Variants in CXXC4 observed in about 807,000 individuals in gnomAD.
CXXC4 encodes CXXC-type zinc finger protein 4.
Under a neutral mutation model 20.5 loss-of-function variants are expected in CXXC4, and 5 were observed. The observed-to-expected ratio is 0.24, with a 90% CI of 0.13 to 0.51. CXXC4 has a LOEUF of 0.51. Among genes scored for constraint, CXXC4 ranks in the 20% least tolerant of loss-of-function variants. The pLI, the probability that CXXC4 is intolerant of heterozygous loss-of-function variation, is 0.97. For synonymous variants in CXXC4, 250 were observed against 216.4 expected (o/e 1.16, Z -1.36); for missense variants, 419 against 496.4 (o/e 0.84, Z 1.48).
intron 2 of CXXC4, among the ~76,000 whole-genome samples, chr4:104,487,539 A>G (rs1048261544): frequency 5.9e-5 from 9 of 152,224 alleles, no homozygotes; most frequent in Non-Finnish European, 1.3e-4. Context: ...ACAAAGTGTT[A>G]TCATGTAACT....
At chr4:104,488,489 C>G (rs906844038) in intron 2 of CXXC4, among the ~76,000 whole-genome samples, 1 of 152,130 alleles carries the variant, frequency 6.6e-6, no homozygotes, top group South Asian at 2.1e-4. Flanking sequence ...TTTCTTTTAG[C>G]CAAATAGTAT....
intron 2 of CXXC4, among the ~76,000 whole-genome samples, chr4:104,481,176 A>C (rs989078761): frequency 6.6e-6 from 1 of 152,150 alleles, no homozygotes; most frequent in African/African-American, 2.4e-5. Context: ...GAATTTTCTA[A>C]AATTTCAATG....
intron 2 of CXXC4, among the ~76,000 whole-genome samples, chr4:104,487,135 T>C (rs1047067570): frequency 1.3e-5 from 2 of 152,176 alleles, no homozygotes; most frequent in African/African-American, 2.4e-5. Context: ...ACCATCCTTC[T>C]TCCTGACTTT....
chr4:104,474,892 G>A lies in CXXC4; in HGVS notation c.1060-2526C>T, dbSNP rs546621200. 7.2e-5 allele frequency among the ~76,000 whole-genome samples: 11 copies of A among 151,906 alleles called. No individual in the cohort carries two copies. In the South Asian group the frequency reaches 1.7e-3, roughly 23 times the overall value. On this transcript the variant is annotated intron_variant, in intron 2 of 2. Transcript: ENST00000394767. ...CTTTTAAATCTCTTTTCCAATTCTC[G>A]CTCTTCCTGTGCCCCTTTCAGCTAC...
rs1736863936 is a variant in CXXC4, at chr4:104,491,407, C to T, written c.396G>A (p.Gly132=). 3 of 1,078,986 alleles carry T rather than the reference C, an allele frequency of 2.8e-6. No individual in the cohort carries two copies. In the African/African-American group the frequency reaches 5.2e-5, roughly 19 times the overall value. 66.8% of individuals were successfully genotyped at this position (1,078,986 alleles called of 1,614,324 possible). A position where few individuals can be genotyped will look rare whatever the true frequency, so the allele number is the denominator to read the frequency against. Residue 132 remains glycine, a synonymous_variant, in exon 2 of 3, where the codon GGG becomes GGA. Coordinates refer to ENST00000394767, the MANE Select transcript of CXXC4 (RefSeq NM_025212.4). ...CGGCGGAGGAGGATTTCCTGCCGCCCCCACCACCCCCGCCCCCGCCTCCGC... is the reference window on the plus strand; with the variant it reads ...CGGCGGAGGAGGATTTCCTGCCGCCTCCACCACCCCCGCCCCCGCCTCCGC... The part of the protein sequence containing the change: ...GGGGGGGGGG[G]GGRKSSSAAA...
Position 104,468,376 on chromosome 4 carries a change from G to A in CXXC4, c.*3946C>T, listed in dbSNP as rs1578310625. 1.4e-5 allele frequency: 2 copies of A among 140,800 alleles called. No homozygotes were observed. The highest frequency in any genetic ancestry group is 2.2e-4 in the South Asian group (1 of 4,454). The allele number at this position is 140,800 out of a possible 1,614,324, so 8.7% of individuals were successfully genotyped here. A position where few individuals can be genotyped will look rare whatever the true frequency, so the allele number is the denominator to read the frequency against. On this transcript the variant is annotated 3_prime_UTR_variant, in exon 3 of 3. Coordinates refer to ENST00000394767, the MANE Select transcript of CXXC4 (RefSeq NM_025212.4). ...CAAAAACAACTTTACTGGGCAAATT[G>A]AATGTGATTTTTTTTACTTTTTTTT...
In CXXC4 at chr4:104,491,379, C is replaced by A. The variant is rs552060137; in HGVS notation, c.424G>T (p.Ala142Ser). ...GGGRKSSSAAASSSASSSSAI... is the reference protein window; with the variant it reads ...GGGRKSSSAASSSSASSSSAI... ...GAGGAGGAGGAGGCGGAGGAGGAGG[C>A]GGCGGCGGAGGAGGATTTCCTGCCG... Residue 142 changes from alanine to serine, a missense_variant, in exon 2 of 3, where the codon GCC (alanine) becomes TCC (serine). Physicochemically the swap from Ala to Ser is moderately conservative, Grantham distance 99 (BLOSUM62 1). Coordinates refer to ENST00000394767, the MANE Select transcript of CXXC4 (RefSeq NM_025212.4). 4.4e-6 allele frequency: 6 copies of A among 1,353,392 alleles called. No individual in the cohort carries two copies. The Admixed American group carries it at 1.3e-4, about 28-fold the overall frequency. The allele number at this position is 1,353,392 out of a possible 1,614,324, so 83.8% of individuals were successfully genotyped here.
chr4:104,486,903 C>T (rs905168893), intron 2 of CXXC4, among the ~76,000 whole-genome samples: 10 of 152,094 alleles, frequency 6.6e-5, no homozygotes, highest in African/African-American at 2.2e-4. Flanking sequence ...TTACAATTGC[C>T]ATTTATGGTT....
chr4:104,492,201 A>ACCCCCCCCCCCCCCCCCCCCCCCC (rs1162003749), intron 1 of CXXC4, 142 bp from the exon 2 acceptor site: 3 of 109,496 alleles, frequency 2.7e-5, no homozygotes, highest in Admixed American at 9.0e-5. Context: ...TCAAGACGTG[A>ACCCCCCCCCCCCCCCCCCCCCCCC]CCCCCCCCAG....
chr4:104,473,655 A>G (rs1736332110), intron 2 of CXXC4, among the ~76,000 whole-genome samples: 1 of 151,974 alleles, frequency 6.6e-6, no homozygotes, highest in Admixed American at 6.6e-5. Flanking sequence ...GCCTGTATAA[A>G]TCGTAAGATG....
chr4:104,485,054 C>CA (rs1051612684), intron 2 of CXXC4, among the ~76,000 whole-genome samples: 6 of 151,924 alleles, frequency 3.9e-5, no homozygotes, highest in Non-Finnish European at 5.9e-5. Context: ...TACACATGCA[C>CA]AAAATTCTCA....
At chr4:104,482,293 G>A (rs1299844213) in intron 2 of CXXC4, among the ~76,000 whole-genome samples, 1 of 151,812 alleles carries the variant, frequency 6.6e-6, no homozygotes, top group Non-Finnish European at 1.5e-5. Context: ...AATCACATGA[G>A]GAAAATCTAA....
At chr4:104,488,229 A>G (rs1736745007) in intron 2 of CXXC4, among the ~76,000 whole-genome samples, 1 of 152,160 alleles carries the variant, frequency 6.6e-6, no homozygotes. Flanking sequence ...AATCTCTAAA[A>G]CATTTTCCCA....
At chr4:104,485,604 T>C (rs1256080903) in intron 2 of CXXC4, among the ~76,000 whole-genome samples, 2 of 152,112 alleles carry the variant, frequency 1.3e-5, no homozygotes, top group Admixed American at 6.5e-5. Context: ...TTTCAACCTA[T>C]GCCTGAGAGA....
intron 2 of CXXC4, among the ~76,000 whole-genome samples, chr4:104,476,157 T>C (rs928607479): frequency 6.6e-6 from 1 of 152,176 alleles, no homozygotes; most frequent in African/African-American, 2.4e-5. Context: ...TTATATTTAC[T>C]TTTTAAAAAA....
At chr4:104,488,736 T>C (rs995223455) in intron 2 of CXXC4, among the ~76,000 whole-genome samples, 2 of 152,178 alleles carry the variant, frequency 1.3e-5, no homozygotes, top group East Asian at 3.8e-4. Flanking sequence ...AACAAGCTTG[T>C]AGGAAAAGCA....
intron 2 of CXXC4, among the ~76,000 whole-genome samples, chr4:104,476,251 A>G (rs13131431): frequency 6.5e-4 from 99 of 152,284 alleles, no homozygotes; most frequent in African/African-American, 2.2e-3. Flanking sequence ...AAATAATTAA[A>G]CAACCTAAAA....
intron 2 of CXXC4, 95 bp from the exon 3 acceptor site, chr4:104,472,461 T>A (rs1337411741): frequency 2.5e-6 from 2 of 787,486 alleles, no homozygotes; most frequent in East Asian, 5.1e-5. Context: ...TATTTTTAGT[T>A]ACCAATGTAC....
At position 104,470,257 on chromosome 4, in the gene CXXC4, T is replaced by C. The variant is rs1473826648; in HGVS notation, c.*2065A>G. The C allele has an allele frequency of 1.3e-5, 2 of 150,988 alleles. No homozygotes were observed. The highest frequency in any genetic ancestry group is 1.9e-4 in the East Asian group (1 of 5,160). 9.4% of individuals were successfully genotyped at this position (150,988 alleles called of 1,614,324 possible). ...ATAGAAACCCTCAAAGAAATATACA[T>C]CAAGTAGAAAGCTATCTCAAAATTA... On this transcript the variant is annotated 3_prime_UTR_variant, in exon 3 of 3. Coordinates refer to ENST00000394767, the MANE Select transcript of CXXC4 (RefSeq NM_025212.4).
Sources: allele counts gnomAD v4.1 joint callset (sites outside exome capture counted in the v4.1 genomes callset), GRCh38; gene constraint gnomAD v4.1.1; transcripts MANE v1.5; gene names NCBI Gene and HGNC (gene_info 2026-07-23, HGNC 2026-07-21).